Variants in FSTL4 observed in about 807,000 individuals in gnomAD.
FSTL4 encodes follistatin like 4.
FSTL4 carries 28 observed loss-of-function variants against 78.2 expected under a neutral mutation model. The observed-to-expected ratio is 0.36, with a 90% CI of 0.27 to 0.49. The LOEUF (loss-of-function observed/expected upper bound fraction) is 0.49. Among genes scored for constraint, FSTL4 ranks in the 20% least tolerant of loss-of-function variants. The pLI is 0.98. For missense variants in FSTL4, 922 were observed against 1,084.9 expected, an observed-to-expected ratio of 0.85 and a Z score of 2.11; for synonymous variants, 422 against 440.5, an observed-to-expected ratio of 0.96 and a Z score of 0.53.
chr5:133,810,541 GC>G, the FSTL4 span, among the ~76,000 whole-genome samples: 1 of 152,158 alleles, frequency 6.6e-6, no homozygotes, highest in Non-Finnish European at 1.5e-5. Context: ...GGTTTAACAA[GC>G]AAAAGAAAGA....
chr5:133,322,269 CCACACACCCA>C (rs1754084040), intron 4 of FSTL4, among the ~76,000 whole-genome samples: 1 of 41,852 alleles, frequency 2.4e-5, no homozygotes, highest in South Asian at 1.0e-3. Context: ...CCACCCACAC[CCACACACCCA>C]CACACACACA....
chr5:133,460,747 C>A (rs1757575740), intron 3 of FSTL4, among the ~76,000 whole-genome samples: 1 of 152,196 alleles, frequency 6.6e-6, no homozygotes, highest in African/African-American at 2.4e-5. Flanking sequence ...TTGGGCCAAA[C>A]ACCAAATTTC....
At position 133,424,101 on chromosome 5, in the gene FSTL4, G is replaced by A. The variant is rs577314643; in HGVS notation, c.161-23115C>T. Among the ~76,000 whole-genome samples, 37 of 152,340 alleles carry A rather than the reference G, an allele frequency of 2.4e-4. No individual in the cohort carries two copies. In the East Asian group the frequency reaches 5.8e-3, roughly 24 times the overall value. ...GTGGGGAGACCACATTCTGTCTGAC[G>A]CCAGCAGAAGAAGTGCCTGTCCCCA... On this transcript the variant is annotated intron_variant, in intron 3 of 15. Transcript: ENST00000265342.
At chr5:133,805,589 A>T in the FSTL4 span, among the ~76,000 whole-genome samples, 5 of 152,192 alleles carry the variant, frequency 3.3e-5, no homozygotes, top group African/African-American at 1.2e-4. Context: ...AGATCACATG[A>T]TCACTTAAAT....
At chr5:133,701,948 C>T in the FSTL4 span, among the ~76,000 whole-genome samples, 1 of 152,112 alleles carries the variant, frequency 6.6e-6, no homozygotes, top group African/African-American at 2.4e-5. Context: ...TAGCTCATGT[C>T]CTGGCGCCCA....
At chr5:133,704,598 G>T in the FSTL4 span, among the ~76,000 whole-genome samples, 1 of 152,242 alleles carries the variant, frequency 6.6e-6, no homozygotes, top group Non-Finnish European at 1.5e-5. Flanking sequence ...GTAACACCTG[G>T]ATATGGCCAG....
intron 4 of FSTL4, among the ~76,000 whole-genome samples, chr5:133,333,724 C>T (rs1754400748): frequency 1.3e-5 from 2 of 152,382 alleles, no homozygotes; most frequent in South Asian, 4.1e-4. Context: ...CAGAGTCACA[C>T]CCAGCGAGGG....
chr5:133,803,400 GGCCCC>G, the FSTL4 span, among the ~76,000 whole-genome samples: 1 of 152,074 alleles, frequency 6.6e-6, no homozygotes, highest in Non-Finnish European at 1.5e-5. Flanking sequence ...ATCACAGTTG[GGCCCC>G]GCCTCTATAC....
At chr5:133,531,676 A>G (rs1436034735) in intron 3 of FSTL4, among the ~76,000 whole-genome samples, 2 of 152,230 alleles carry the variant, frequency 1.3e-5, no homozygotes, top group African/African-American at 4.8e-5. Context: ...GAAAGTAGAA[A>G]GGGAAAGATG....
intron 3 of FSTL4, among the ~76,000 whole-genome samples, chr5:133,468,694 CAG>C (rs1757760008): frequency 6.6e-6 from 1 of 152,162 alleles, no homozygotes; most frequent in South Asian, 2.1e-4. Flanking sequence ...ACCTGAGACT[CAG>C]TGTGGCAGCA....
intron 7 of FSTL4, among the ~76,000 whole-genome samples, chr5:133,242,811 A>G (rs1751918029): frequency 6.6e-6 from 1 of 152,242 alleles, no homozygotes; most frequent in Non-Finnish European, 1.5e-5. Flanking sequence ...AGTGTTTTCT[A>G]AGATTTTAAA....
At chr5:133,578,670 A>C (rs1760336313) in intron 2 of FSTL4, among the ~76,000 whole-genome samples, 1 of 152,268 alleles carries the variant, frequency 6.6e-6, no homozygotes, top group Non-Finnish European at 1.5e-5. Context: ...TATCATTTAA[A>C]GCTTTATGCT....
At chr5:133,325,045 G>A (rs1305851418) in intron 4 of FSTL4, among the ~76,000 whole-genome samples, 6 of 152,342 alleles carry the variant, frequency 3.9e-5, no homozygotes, top group Admixed American at 2.6e-4. Context: ...GAAGTGTGGT[G>A]GGCACAAGGC....
chr5:133,475,478 T>C (rs1219797458), intron 3 of FSTL4, among the ~76,000 whole-genome samples: 1 of 152,206 alleles, frequency 6.6e-6, no homozygotes, highest in African/African-American at 2.4e-5. Flanking sequence ...CTATTTTATC[T>C]CTGGAGAAGT....
At chr5:133,721,693 T>C in the FSTL4 span, among the ~76,000 whole-genome samples, 7 of 152,338 alleles carry the variant, frequency 4.6e-5, no homozygotes, top group East Asian at 1.3e-3. Context: ...GTTTTCCTCT[T>C]GCTGCTTTTA....
At chr5:133,394,278 C>T (rs991752242) in intron 4 of FSTL4, among the ~76,000 whole-genome samples, 7 of 152,268 alleles carry the variant, frequency 4.6e-5, no homozygotes, top group Admixed American at 1.3e-4. Flanking sequence ...TTCAGCCCGC[C>T]GCTGCACTGT....
At chr5:133,512,953 G>A (rs1758767219) in intron 3 of FSTL4, among the ~76,000 whole-genome samples, 1 of 152,160 alleles carries the variant, frequency 6.6e-6, no homozygotes, top group Admixed American at 6.5e-5. Flanking sequence ...GAGTAGCTGG[G>A]ACTACAGGCA....
chr5:133,756,026 C>G, the FSTL4 span, among the ~76,000 whole-genome samples: 6 of 152,204 alleles, frequency 3.9e-5, no homozygotes, highest in African/African-American at 1.4e-4. Flanking sequence ...CTTGCCTTCA[C>G]AGAGCTTACA....
chr5:133,554,924 C>G (rs1759758561), intron 3 of FSTL4, among the ~76,000 whole-genome samples: 1 of 152,186 alleles, frequency 6.6e-6, no homozygotes, highest in Non-Finnish European at 1.5e-5. Context: ...TATTCTCAGT[C>G]TGGGTTTCAG....
Sources: allele counts gnomAD v4.1 joint callset (sites outside exome capture counted in the v4.1 genomes callset), GRCh38; gene constraint gnomAD v4.1.1; transcripts MANE v1.5; gene names NCBI Gene and HGNC (gene_info 2026-07-23, HGNC 2026-07-21).